Variants in OR9Q1 observed in about 807,000 individuals in gnomAD.
The protein encoded by OR9Q1 is olfactory receptor 9Q1.
For synonymous variants in OR9Q1, 153 were observed against 148.6 expected, an observed-to-expected ratio of 1.03 and a Z score of -0.22; for missense variants, 374 against 378.8, an observed-to-expected ratio of 0.99 and a Z score of 0.11.
At chr11:58,169,554 C>T (rs1260323797) in intron 2 of OR9Q1, among the ~76,000 whole-genome samples, 1 of 152,096 alleles carries the variant, frequency 6.6e-6, no homozygotes, top group Non-Finnish European at 1.5e-5. Context: ...AAAATAACTT[C>T]TTAAAATTTC....
At chr11:58,148,816 T>C (rs78803310) in intron 2 of OR9Q1, among the ~76,000 whole-genome samples, 1 of 152,308 alleles carries the variant, frequency 6.6e-6, no homozygotes, top group African/African-American at 2.4e-5. Context: ...GGAAAGCCGA[T>C]AGAAGTTGAA....
intron 2 of OR9Q1, among the ~76,000 whole-genome samples, chr11:58,086,198 A>C (rs1241512043): frequency 2.0e-5 from 3 of 151,974 alleles, no homozygotes; most frequent in Non-Finnish European, 4.4e-5. Context: ...AAACATGGAC[A>C]AAGGACCGAA....
intron 2 of OR9Q1, among the ~76,000 whole-genome samples, chr11:58,074,714 T>C (rs1370115719): frequency 6.6e-6 from 1 of 152,222 alleles, no homozygotes; most frequent in Non-Finnish European, 1.5e-5. Flanking sequence ...GCCTAGGTTT[T>C]CTTCTAGGAT....
chr11:58,097,045 G>A lies in OR9Q1; in HGVS notation c.-15+41098G>A, dbSNP rs150388107. On this transcript the variant is annotated intron_variant, in intron 2 of 2. Coordinates refer to ENST00000335397, the MANE Select transcript of OR9Q1 (RefSeq NM_001005212.4). ...TTTGTAGAGATGGGGGTCTCACCAT[G>A]TTGCTCAGGTTGGTCTCAAACTCCC... is the stretch of plus-strand genomic sequence containing the variant. 6.2e-3 allele frequency among the ~76,000 whole-genome samples: 940 copies of A among 152,216 alleles called. 5 individuals carry two copies. Among genetic ancestry groups the A allele is most frequent in the Non-Finnish European group, 0.011 (720 of 68,008 alleles).
rs553988598 is a variant in OR9Q1, at chr11:58,124,384, C to T, written c.-14-55047C>T. ...GGAGGGGATAGGGAAAAAGACTCCT[C>T]TAATTCAGGAGGAACCCTTTACAGA... is the stretch of plus-strand genomic sequence containing the variant. On this transcript the variant is annotated intron_variant, in intron 2 of 2. Coordinates refer to ENST00000335397, the MANE Select transcript of OR9Q1 (RefSeq NM_001005212.4). 17 of 152,276 alleles carry T rather than the reference C, an allele frequency of 1.1e-4. No individual in the cohort carries two copies. The East Asian group carries it at 3.3e-3, about 29-fold the overall frequency. 9.4% of individuals were successfully genotyped at this position (152,276 alleles called of 1,614,324 possible).
chr11:58,123,277 A>G (rs1854053958), intron 2 of OR9Q1, among the ~76,000 whole-genome samples: 1 of 152,284 alleles, frequency 6.6e-6, no homozygotes, highest in Admixed American at 6.5e-5. Flanking sequence ...GAAACAAAGA[A>G]ATCTCCCTGC....
intron 1 of OR9Q1, among the ~76,000 whole-genome samples, chr11:58,037,653 CTATATATATATATATATATATATA>C (rs1248262165): frequency 5.3e-5 from 2 of 37,430 alleles, no homozygotes; most frequent in African/African-American, 1.2e-4. Context: ...TAAAGAATAA[CTATATATATATATATATATATATA>C]TATATATATA....
At chr11:58,127,297 G>T (rs1039887864) in intron 2 of OR9Q1, among the ~76,000 whole-genome samples, 3 of 152,090 alleles carry the variant, frequency 2.0e-5, no homozygotes, top group African/African-American at 7.2e-5. Context: ...TGCATCTTAG[G>T]TTAGCTTCCT....
chr11:58,149,667 T>C (rs1376190811), intron 2 of OR9Q1, among the ~76,000 whole-genome samples: 1 of 152,206 alleles, frequency 6.6e-6, no homozygotes, highest in African/African-American at 2.4e-5. Flanking sequence ...TCTGTTTCTA[T>C]GGATTTGCTT....
At chr11:58,091,509 CTGTT>C (rs1385516444) in intron 2 of OR9Q1, among the ~76,000 whole-genome samples, 5 of 152,182 alleles carry the variant, frequency 3.3e-5, no homozygotes, top group African/African-American at 4.8e-5. Context: ...GTCTGAGAGA[CTGTT>C]TGTTATGATT....
At chr11:58,157,370 G>A (rs11229265) in intron 2 of OR9Q1, among the ~76,000 whole-genome samples, 47,050 of 151,924 alleles carry the variant, frequency 0.31, 7,645 homozygotes, top group East Asian at 0.59. Context: ...GTAGCACTTA[G>A]CATAAATGTA....
chr11:58,029,994 A>G (rs772492498), intron 1 of OR9Q1, among the ~76,000 whole-genome samples: 7 of 152,006 alleles, frequency 4.6e-5, no homozygotes, highest in Non-Finnish European at 7.4e-5. Flanking sequence ...GGTGCCCACC[A>G]CCACGCTGGG....
chr11:58,137,044 C>A (rs887438296), intron 2 of OR9Q1, among the ~76,000 whole-genome samples: 5 of 152,146 alleles, frequency 3.3e-5, no homozygotes, highest in African/African-American at 9.7e-5. Flanking sequence ...AGTCCTCTGG[C>A]GGCACTGTTA....
intron 1 of OR9Q1, among the ~76,000 whole-genome samples, chr11:58,045,741 C>T (rs1853210130): frequency 6.6e-6 from 1 of 152,122 alleles, no homozygotes; most frequent in Non-Finnish European, 1.5e-5. Context: ...CCCCTAGCCC[C>T]AACAGAACTG....
chr11:58,112,792 T>C (rs1853915598), intron 2 of OR9Q1, among the ~76,000 whole-genome samples: 1 of 152,180 alleles, frequency 6.6e-6, no homozygotes, highest in African/African-American at 2.4e-5. Context: ...CATTTGGATG[T>C]GGCATTATGT....
At chr11:58,048,373 C>A (rs1853240495) in intron 1 of OR9Q1, among the ~76,000 whole-genome samples, 1 of 151,596 alleles carries the variant, frequency 6.6e-6, no homozygotes, top group Admixed American at 6.6e-5. Context: ...ATGATTATTT[C>A]AATATATCAA....
At chr11:58,059,152 T>C (rs1394274878) in intron 2 of OR9Q1, among the ~76,000 whole-genome samples, 3 of 152,148 alleles carry the variant, frequency 2.0e-5, no homozygotes, top group African/African-American at 7.2e-5. Context: ...AGAAACCAAC[T>C]GACGTTTTTA....
At chr11:58,154,146 G>A (rs1301781332) in intron 2 of OR9Q1, among the ~76,000 whole-genome samples, 1 of 150,932 alleles carries the variant, frequency 6.6e-6, no homozygotes, top group East Asian at 1.9e-4. Context: ...AAGTTGAGAA[G>A]GAGGAAGAGG....
At chr11:58,037,823 A>G (rs1360373339) in intron 1 of OR9Q1, among the ~76,000 whole-genome samples, 1 of 138,594 alleles carries the variant, frequency 7.2e-6, no homozygotes, top group East Asian at 2.1e-4. Context: ...GGTTCATGCC[A>G]TTCTCCTGCC....
Sources: allele counts gnomAD v4.1 joint callset (sites outside exome capture counted in the v4.1 genomes callset), GRCh38; gene constraint gnomAD v4.1.1; transcripts MANE v1.5; gene names NCBI Gene and HGNC (gene_info 2026-07-23, HGNC 2026-07-21).